Variants in TXNRD3 observed in about 807,000 individuals in gnomAD.
TXNRD3 encodes the protein thioredoxin reductase 3.
TXNRD3 carries 68 observed loss-of-function variants against 78.2 expected under a neutral mutation model. The ratio of observed to expected loss-of-function variants is 0.87; its 90% CI spans 0.72 to 1.06. The LOEUF (loss-of-function observed/expected upper bound fraction) is 1.06, where lower values mean the gene tolerates loss of function less well. Ranked by LOEUF, TXNRD3 falls within the 50% of genes least tolerant of loss-of-function variation. TXNRD3 has a pLI of 0.00. For synonymous variants in TXNRD3, 296 were observed against 300.1 expected, an observed-to-expected ratio of 0.99 and a Z score of 0.14; for missense variants, 751 against 809.5, an observed-to-expected ratio of 0.93 and a Z score of 0.88.
At chr3:126,627,824 C>T (rs1203847910) in intron 10 of TXNRD3, among the ~76,000 whole-genome samples, 2 of 151,994 alleles carry the variant, frequency 1.3e-5, no homozygotes, top group Non-Finnish European at 2.9e-5. Context: ...ATGAACTTTG[C>T]CAGAAAACAG....
At chr3:126,624,334 C>G (rs981769601) in intron 10 of TXNRD3, among the ~76,000 whole-genome samples, 3 of 152,016 alleles carry the variant, frequency 2.0e-5, no homozygotes, top group African/African-American at 7.2e-5. Flanking sequence ...CACTGAGCTT[C>G]AGTAATCAAA....
At chr3:126,638,648 C>T (rs779389833) in intron 6 of TXNRD3, among the ~76,000 whole-genome samples, 61 of 152,164 alleles carry the variant, frequency 4.0e-4, no homozygotes, top group Non-Finnish European at 7.9e-4. Context: ...GCAGGAGAAT[C>T]GCTTGAACAC....
At chr3:126,634,317 C>A (rs776847507) in intron 6 of TXNRD3, among the ~76,000 whole-genome samples, 6 of 152,120 alleles carry the variant, frequency 3.9e-5, no homozygotes, top group Non-Finnish European at 8.8e-5. Flanking sequence ...CCTCATATGG[C>A]AACGCCTGCC....
chr3:126,629,348 A>G (rs1307079870), intron 10 of TXNRD3, 31 bp downstream of exon 10: 4 of 1,413,400 alleles, frequency 2.8e-6, no homozygotes, highest in East Asian at 2.5e-5. Context: ...AGTGTGTTCA[A>G]TAACTTAGTA....
chr3:126,618,031 TACA>T (rs891910687), intron 12 of TXNRD3, among the ~76,000 whole-genome samples: 17 of 152,178 alleles, frequency 1.1e-4, no homozygotes, highest in African/African-American at 3.9e-4. Flanking sequence ...GAAACCACTC[TACA>T]ATGAAAACTG....
chr3:126,630,857 C>T lies in TXNRD3; in HGVS notation c.1052G>A (p.Gly351Glu). ...ATCTAGGCCAAAGCCAGCCAGAAAC[C>T]CTGCACACTCCAGGGCAACATAAGA... The change falls in exon 9 of 16, where the codon GGG (glycine) becomes GAG (glutamate). Residue 351 changes from glycine to glutamate, a missense_variant. Transcript: ENST00000524230. 6.5e-7 allele frequency: 1 copy of T among 1,535,950 alleles called. No individual in the cohort carries two copies. Among genetic ancestry groups the T allele is most frequent in the Non-Finnish European group, 8.7e-7 (1 of 1,146,846 alleles).
In TXNRD3 at chr3:126,655,121, C is replaced by A; in HGVS notation, c.-131G>T. ...GGCCACTCTCACCACCCGCGCGAAT[C>A]CGCGAGGCAGCCGCTCGCCCCGCCC... On this transcript the variant is annotated 5_prime_UTR_variant, in exon 1 of 16. Coordinates refer to ENST00000524230, the MANE Select transcript of TXNRD3 (RefSeq NM_052883.3). 1 of 1,290,058 alleles carries A rather than the reference C, an allele frequency of 7.8e-7. No individual in the cohort carries two copies. The highest frequency in any genetic ancestry group is 9.8e-7 in the Non-Finnish European group (1 of 1,017,038). The allele number at this position is 1,290,058 out of a possible 1,614,324, so 79.9% of individuals were successfully genotyped here.
At chr3:126,644,266 T>C (rs1933173704) in intron 4 of TXNRD3, 31 bp downstream of exon 4, 1 of 1,513,540 alleles carries the variant, frequency 6.6e-7, no homozygotes, top group African/African-American at 1.4e-5. Context: ...ATCAGGAAAA[T>C]TATCTACGAG....
At chr3:126,608,826 C>G (rs1345487928) in intron 14 of TXNRD3, among the ~76,000 whole-genome samples, 193 bp from the exon 15 acceptor site, 1 of 152,186 alleles carries the variant, frequency 6.6e-6, no homozygotes, top group Non-Finnish European at 1.5e-5. Context: ...AGTAAATGCA[C>G]ATCCAGAGTT....
At chr3:126,624,346 C>A (rs955725824) in intron 10 of TXNRD3, among the ~76,000 whole-genome samples, 3 of 152,004 alleles carry the variant, frequency 2.0e-5, no homozygotes, top group Non-Finnish European at 4.4e-5. Flanking sequence ...GTAATCAAAA[C>A]AATGTGGTAC....
chr3:126,653,766 G>C (rs1933443132), intron 1 of TXNRD3, among the ~76,000 whole-genome samples: 1 of 152,262 alleles, frequency 6.6e-6, no homozygotes, highest in East Asian at 1.9e-4. Flanking sequence ...ACATATAGCT[G>C]TACTGTTTTT....
intron 6 of TXNRD3, among the ~76,000 whole-genome samples, chr3:126,641,706 T>C (rs1262392034): frequency 6.6e-6 from 1 of 152,228 alleles, no homozygotes; most frequent in Non-Finnish European, 1.5e-5. Flanking sequence ...AATGTTATAA[T>C]AACAGATATA....
intron 1 of TXNRD3, 98 bp downstream of exon 1, chr3:126,654,650 G>T (rs1933466991): frequency 2.7e-6 from 2 of 740,528 alleles, no homozygotes; most frequent in Non-Finnish European, 3.5e-6. Context: ...CGCAGCCCGG[G>T]ACCCGCGGGC....
At chr3:126,627,960 C>T (rs77252912) in intron 10 of TXNRD3, among the ~76,000 whole-genome samples, 7 of 152,196 alleles carry the variant, frequency 4.6e-5, no homozygotes, top group Non-Finnish European at 7.4e-5. Context: ...AATATAAATG[C>T]ATAAATTCTA....
intron 12 of TXNRD3, among the ~76,000 whole-genome samples, chr3:126,619,336 A>C (rs1938389204): frequency 6.6e-6 from 1 of 152,228 alleles, no homozygotes; most frequent in Admixed American, 6.5e-5. Context: ...GAATGGATAA[A>C]GAAAACGTAG....
At chr3:126,629,214 T>C (rs1353813931) in intron 10 of TXNRD3, among the ~76,000 whole-genome samples, 165 bp downstream of exon 10, 1 of 152,160 alleles carries the variant, frequency 6.6e-6, no homozygotes, top group African/African-American at 2.4e-5. Context: ...CATGCATTAC[T>C]GAAAACTCAA....
At chr3:126,623,032 G>T (rs1022309786) in intron 10 of TXNRD3, among the ~76,000 whole-genome samples, 7 of 152,142 alleles carry the variant, frequency 4.6e-5, no homozygotes, top group African/African-American at 1.7e-4. Context: ...TAGACTTCCA[G>T]CCTCTAGAAC....
chr3:126,642,969 A>C (rs1284028849), intron 5 of TXNRD3, among the ~76,000 whole-genome samples: 1 of 152,230 alleles, frequency 6.6e-6, no homozygotes, highest in Non-Finnish European at 1.5e-5. Flanking sequence ...CAGGAAGAGC[A>C]AAAAGGGATA....
intron 13 of TXNRD3, among the ~76,000 whole-genome samples, chr3:126,614,981 C>G (rs75420789): frequency 0.066 from 10,017 of 152,208 alleles, 417 homozygotes; most frequent in East Asian, 0.2. Flanking sequence ...TTTTGGAAAT[C>G]TGAAGAGCCC....
Sources: allele counts gnomAD v4.1 joint callset (sites outside exome capture counted in the v4.1 genomes callset), GRCh38; gene constraint gnomAD v4.1.1; transcripts MANE v1.5; gene names NCBI Gene and HGNC (gene_info 2026-07-23, HGNC 2026-07-21).